ZEB1: variants seen among roughly 807,000 people sequenced by gnomAD.
ZEB1 encodes zinc finger E-box binding homeobox 1.
ZEB1 carries 21 observed loss-of-function variants against 84.9 expected under a neutral mutation model. The observed-to-expected ratio is 0.25, with a 90% CI of 0.18 to 0.36. ZEB1 has a LOEUF of 0.36. Among genes scored for constraint, ZEB1 ranks in the 10% least tolerant of loss-of-function variants. The probability of loss-of-function intolerance (pLI) is 1.00; values close to 1 mark genes in which losing one functional copy is unlikely to be tolerated. For missense variants in ZEB1, 1,104 were observed against 1,330.2 expected (o/e 0.83, Z 2.65); for synonymous variants, 420 against 471.1 (o/e 0.89, Z 1.41).
At chr10:31,363,173 G>T in intron 1 of ZEB1, 1 of 1,533,956 alleles carries the variant, frequency 6.5e-7, no homozygotes, top group Non-Finnish European at 8.7e-7. Context: ...CCCACCATCA[G>T]CAAGCCTGGA....
intron 4 of ZEB1, among the ~76,000 whole-genome samples, chr10:31,505,401 G>C (rs912884960): frequency 2.0e-5 from 3 of 152,026 alleles, no homozygotes; most frequent in Non-Finnish European, 4.4e-5. Context: ...GAATTCAGCA[G>C]TGAACCCTTT....
chr10:31,327,766 C>T (rs1293389749), intron 1 of ZEB1, among the ~76,000 whole-genome samples: 1 of 152,170 alleles, frequency 6.6e-6, no homozygotes, highest in Non-Finnish European at 1.5e-5. Context: ...TTTTTACGCT[C>T]ACCAACAATG....
At chr10:31,436,473 C>A (rs1340778526) in intron 1 of ZEB1, among the ~76,000 whole-genome samples, 1 of 152,074 alleles carries the variant, frequency 6.6e-6, no homozygotes, top group Non-Finnish European at 1.5e-5. Context: ...GCACAGTAAC[C>A]TGTTCAGAGC....
At chr10:31,332,265 G>C (rs994250698) in intron 1 of ZEB1, among the ~76,000 whole-genome samples, 1 of 152,164 alleles carries the variant, frequency 6.6e-6, no homozygotes, top group Admixed American at 6.5e-5. Context: ...TGTGCACCAA[G>C]TTTGGCTGTG....
intron 1 of ZEB1, among the ~76,000 whole-genome samples, chr10:31,437,718 A>G (rs905959433): frequency 3.3e-5 from 5 of 152,214 alleles, no homozygotes; most frequent in Non-Finnish European, 5.9e-5. Flanking sequence ...TCCGTCCTCA[A>G]ACTACATCCT....
At chr10:31,443,201 ATTC>A (rs763931650) in intron 1 of ZEB1, among the ~76,000 whole-genome samples, 48 of 152,286 alleles carry the variant, frequency 3.2e-4, no homozygotes, top group African/African-American at 1.1e-3. Context: ...GCTTGTGCAT[ATTC>A]TTACTGGGTG....
At chr10:31,375,786 G>A (rs1376166887) in intron 1 of ZEB1, among the ~76,000 whole-genome samples, 1 of 151,682 alleles carries the variant, frequency 6.6e-6, no homozygotes, top group Non-Finnish European at 1.5e-5. Flanking sequence ...AAAAGTTATT[G>A]TTTATAGATA....
At chr10:31,480,033 T>TA (rs2064832898) in intron 2 of ZEB1, among the ~76,000 whole-genome samples, 1 of 151,968 alleles carries the variant, frequency 6.6e-6, no homozygotes, top group South Asian at 2.1e-4. Context: ...ACACCTGTCT[T>TA]AAAGGCATCC....
Position 31,521,650 on chromosome 10 carries a change from G to A in ZEB1, c.2318G>A (p.Cys773Tyr). Residue 773 changes from cysteine to tyrosine, a missense_variant, in exon 7 of 9, where the codon TGC becomes TAC. Physicochemically the swap from Cys to Tyr is radical, Grantham distance 194. Coordinates refer to ENST00000424869, the MANE Select transcript of ZEB1 (RefSeq NM_001174096.2). ...SVQEEPLNLS[C>Y]AKKEPQKDSC... is the part of the protein sequence containing the mutation. ...CAGGAAGAACCCTTGAACTTGTCTTGCGCAAAAAAGGAGCCACAAAAGGAC... is the reference window on the plus strand; with the variant it reads ...CAGGAAGAACCCTTGAACTTGTCTTACGCAAAAAAGGAGCCACAAAAGGAC... The A allele has an allele frequency of 6.2e-7, 1 of 1,614,014 alleles. No individual in the cohort carries two copies. Among genetic ancestry groups the A allele is most frequent in the Non-Finnish European group, 8.5e-7 (1 of 1,179,982 alleles).
intron 1 of ZEB1, among the ~76,000 whole-genome samples, chr10:31,384,600 A>G (rs2048300483): frequency 6.6e-6 from 1 of 152,200 alleles, no homozygotes; most frequent in Non-Finnish European, 1.5e-5. Flanking sequence ...AGGAAAGTAG[A>G]TTGCTCAGGG....
chr10:31,507,471 G>A lies in ZEB1; in HGVS notation c.485-3202G>A, dbSNP rs200917125. Among the ~76,000 whole-genome samples the A allele has an allele frequency of 2.2e-4, 33 of 152,008 alleles. 1 individual carries two copies. The highest frequency in any genetic ancestry group is 7.0e-4 in the African/African-American group (29 of 41,512). The stretch of plus-strand genomic sequence containing the variant: ...TTGCCTTATAACACATCAAAAATTC[G>A]AATATTTGGTTACTTTATAGTTTCT... On this transcript the variant is annotated intron_variant, in intron 4 of 8. Transcript: ENST00000424869.
intron 1 of ZEB1, among the ~76,000 whole-genome samples, chr10:31,356,609 G>A (rs2042168206): frequency 6.6e-6 from 1 of 152,028 alleles, no homozygotes; most frequent in Non-Finnish European, 1.5e-5. Flanking sequence ...GAAACATTTT[G>A]GAAACAGACT....
At chr10:31,482,317 C>T (rs962560720) in intron 2 of ZEB1, among the ~76,000 whole-genome samples, 2 of 151,916 alleles carry the variant, frequency 1.3e-5, no homozygotes, top group Admixed American at 6.6e-5. Context: ...GTGCCCAGTA[C>T]GCTTCAAAAG....
chr10:31,374,986 A>G (rs1200879887), intron 1 of ZEB1: 1 of 149,548 alleles, frequency 6.7e-6, no homozygotes, highest in Non-Finnish European at 1.5e-5. Context: ...TTCCTTAATC[A>G]AGTCAACTTT....
chr10:31,498,372 G>C (rs2067584630), intron 3 of ZEB1, among the ~76,000 whole-genome samples: 1 of 151,910 alleles, frequency 6.6e-6, no homozygotes, highest in Non-Finnish European at 1.5e-5. Flanking sequence ...TTTTCTCTCT[G>C]TGATCTCAGA....
At chr10:31,363,128 C>T (rs1171420552) in intron 1 of ZEB1, 2 of 1,533,852 alleles carry the variant, frequency 1.3e-6, no homozygotes, top group African/African-American at 2.7e-5. Context: ...CTACTTGATC[C>T]AAGAGCTGCA....
intron 1 of ZEB1, among the ~76,000 whole-genome samples, chr10:31,330,211 A>G (rs888239892): frequency 1.6e-4 from 25 of 152,216 alleles, no homozygotes; most frequent in Admixed American, 9.2e-4. Flanking sequence ...TTAACTCACC[A>G]GAATTTGGCA....
intron 2 of ZEB1, among the ~76,000 whole-genome samples, chr10:31,469,365 T>A (rs220047): frequency 8.6e-4 from 129 of 150,810 alleles, no homozygotes; most frequent in African/African-American, 3.0e-3. Context: ...GCACCATGCG[T>A]GAGCCGAAGC....
At chr10:31,336,078 A>G (rs913242665) in intron 1 of ZEB1, among the ~76,000 whole-genome samples, 2 of 152,196 alleles carry the variant, frequency 1.3e-5, no homozygotes, top group African/African-American at 4.8e-5. Flanking sequence ...ATTAAATAGC[A>G]TAATGTACCA....
Sources: gnomAD v4.1 joint callset for allele counts (sites outside exome capture counted in the v4.1 genomes callset) on GRCh38, gnomAD v4.1.1 for gene constraint, MANE v1.5 for transcripts, NCBI Gene and HGNC (gene_info 2026-07-23, HGNC 2026-07-21) for gene names.